ROBO2: variants seen among roughly 807,000 people sequenced by gnomAD.
ROBO2 encodes roundabout homolog 2.
In ROBO2, 53 loss-of-function variants were observed where a neutral mutation model predicts 160.8. The ratio of observed to expected loss-of-function variants is 0.33; its 90% CI spans 0.26 to 0.41. ROBO2 has a LOEUF of 0.41. Ranked by LOEUF, ROBO2 falls within the 10% of genes least tolerant of loss-of-function variation. The pLI is 1.00. For synonymous variants in ROBO2, 664 were observed against 611.7 expected (o/e 1.09, Z -1.26); for missense variants, 1,577 against 1,722.4 (o/e 0.92, Z 1.49).
intron 2 of ROBO2, among the ~76,000 whole-genome samples, chr3:77,365,001 A>G (rs9879708): frequency 6.6e-6 from 1 of 151,576 alleles, no homozygotes; most frequent in Non-Finnish European, 1.5e-5. Context: ...AAAAATTAGC[A>G]AGGCATGGTG....
chr3:77,151,676 C>T (rs2077557831), intron 2 of ROBO2, among the ~76,000 whole-genome samples: 1 of 152,098 alleles, frequency 6.6e-6, no homozygotes, highest in South Asian at 2.1e-4. Context: ...TACCAAGTGC[C>T]CAACACATTT....
intron 1 of ROBO2, among the ~76,000 whole-genome samples, chr3:77,081,077 T>C (rs959204175): frequency 6.6e-5 from 10 of 152,178 alleles, no homozygotes; most frequent in African/African-American, 2.4e-4. Context: ...GTTGTGTGTT[T>C]GACATCTATG....
intron 2 of ROBO2, among the ~76,000 whole-genome samples, chr3:77,170,300 T>C (rs1313204135): frequency 6.6e-6 from 1 of 152,186 alleles, no homozygotes; most frequent in Non-Finnish European, 1.5e-5. Context: ...ACTAAGAATA[T>C]AATACAAAAT....
rs546324993 is a variant in ROBO2 at position 77,336,725 on chromosome 3, C to T, written c.389-140689C>T. ...GCAAAGACAGGCAAAATCTCTGGTT[C>T]CCTGCCTAAGCCTGGTGTACCACAC... On this transcript the variant is annotated intron_variant, in intron 2 of 25. Transcript: ENST00000461745. 2.3e-4 allele frequency among the ~76,000 whole-genome samples: 35 copies of T among 152,300 alleles called. No homozygotes were observed. The South Asian group carries it at 3.7e-3, about 16-fold the overall frequency.
chr3:77,467,097 G>A (rs1582193225), intron 2 of ROBO2, among the ~76,000 whole-genome samples: 1 of 152,118 alleles, frequency 6.6e-6, no homozygotes, highest in Non-Finnish European at 1.5e-5. Flanking sequence ...TTGGGATCCA[G>A]AATAATGCAG....
At chr3:76,054,813 C>T (rs964581735) in intron 2 of ROBO2, among the ~76,000 whole-genome samples, 1 of 152,148 alleles carries the variant, frequency 6.6e-6, no homozygotes, top group Non-Finnish European at 1.5e-5. Context: ...TCTAGCTGTC[C>T]TCTTGGTATG....
At chr3:77,298,197 C>T (rs890606258) in intron 2 of ROBO2, among the ~76,000 whole-genome samples, 8 of 152,082 alleles carry the variant, frequency 5.3e-5, no homozygotes, top group Admixed American at 1.3e-4. Flanking sequence ...AATATTCACA[C>T]GAAGTCTGAA....
chr3:77,222,287 C>A (rs2085922630), intron 2 of ROBO2, among the ~76,000 whole-genome samples: 1 of 152,124 alleles, frequency 6.6e-6, no homozygotes, highest in Non-Finnish European at 1.5e-5. Context: ...ACTACATTGT[C>A]AATATGAATA....
intron 1 of ROBO2, among the ~76,000 whole-genome samples, chr3:77,074,942 T>G (rs1051586605): frequency 2.6e-5 from 4 of 152,202 alleles, no homozygotes; most frequent in Non-Finnish European, 4.4e-5. Flanking sequence ...GATGGCAGGC[T>G]TCATATTTTA....
chr3:76,421,735 AAG>A lies in ROBO2; in HGVS notation c.109+484135_109+484136del, dbSNP rs397825274. 5.1e-4 allele frequency among the ~76,000 whole-genome samples: 77 copies of A among 151,824 alleles called. No homozygotes were observed. The Middle Eastern group carries it at 0.02, about 40-fold the overall frequency. ...GAGCGAAACTCCATCTAAAAAAAAA[AAG>A]AAGATGGCAATTTGTCCATACAACA... On this transcript the variant is annotated intron_variant, in intron 2 of 26. Coordinates refer to the ROBO2 transcript ENST00000487694.
intron 2 of ROBO2, among the ~76,000 whole-genome samples, chr3:77,437,466 A>T (rs1251195998): frequency 1.3e-5 from 2 of 151,996 alleles, no homozygotes; most frequent in Admixed American, 6.6e-5. Context: ...AGTGATTATT[A>T]TTACATTATA....
At chr3:77,210,237 G>A (rs1580003099) in intron 2 of ROBO2, among the ~76,000 whole-genome samples, 1 of 151,782 alleles carries the variant, frequency 6.6e-6, no homozygotes, top group Non-Finnish European at 1.5e-5. Flanking sequence ...GCAGAAAATG[G>A]CCTAAAAATT....
intron 4 of ROBO2, among the ~76,000 whole-genome samples, chr3:77,486,598 C>T (rs1384890432): frequency 6.6e-6 from 1 of 152,102 alleles, no homozygotes. Flanking sequence ...TCTTTGCCCA[C>T]TTTTTAATGG....
At chr3:75,936,995 A>G (rs1284609016) in intron 1 of ROBO2, among the ~76,000 whole-genome samples, 3 of 152,108 alleles carry the variant, frequency 2.0e-5, no homozygotes, top group African/African-American at 7.2e-5. Flanking sequence ...AATTACTGAC[A>G]TAATTAGAAT....
At chr3:77,534,309 A>C (rs1346779590) in intron 6 of ROBO2, among the ~76,000 whole-genome samples, 5 of 152,094 alleles carry the variant, frequency 3.3e-5, no homozygotes, top group African/African-American at 1.2e-4. Context: ...AATAAGAATA[A>C]AATAAATATT....
At chr3:77,011,082 T>TTTCTTTCTTTCTTTCTTTCTTTCC (rs2061883307) in intron 2 of ROBO2, among the ~76,000 whole-genome samples, 1 of 144,532 alleles carries the variant, frequency 6.9e-6, no homozygotes, top group Non-Finnish European at 1.5e-5. Flanking sequence ...TCTTTCTTTC[T>TTTCTTTCTTTCTTTCTTTCTTTCC]TTCTTTTTCT....
At chr3:76,288,443 C>T (rs932497123) in intron 2 of ROBO2, among the ~76,000 whole-genome samples, 9 of 151,740 alleles carry the variant, frequency 5.9e-5, no homozygotes, top group African/African-American at 2.2e-4. Flanking sequence ...AATGAAGGCC[C>T]TTCCCCATTA....
At chr3:76,433,735 A>C (rs1275925256) in intron 2 of ROBO2, among the ~76,000 whole-genome samples, 1 of 152,234 alleles carries the variant, frequency 6.6e-6, no homozygotes, top group East Asian at 1.9e-4. Context: ...GAGAACACGC[A>C]TAATAGCCAA....
At position 77,402,722 on chromosome 3, in the gene ROBO2, C is replaced by A. The variant is rs548682812; in HGVS notation, c.389-74692C>A. Among the ~76,000 whole-genome samples, 41 of 152,132 alleles carry A rather than the reference C, an allele frequency of 2.7e-4. 1 individual carries two copies. In the South Asian group the frequency reaches 8.1e-3, roughly 30 times the overall value. On this transcript the variant is annotated intron_variant, in intron 2 of 25. Coordinates refer to ENST00000461745, the Ensembl canonical transcript of ROBO2. Reference sequence around the variant, plus strand: ...CGCTCCCCTCCCAAGTGCTAGCAGGCCACTGTGCATGAGGGCAGCCCACCA... The same window carrying A: ...CGCTCCCCTCCCAAGTGCTAGCAGGACACTGTGCATGAGGGCAGCCCACCA...
Sources: allele counts gnomAD v4.1 joint callset (sites outside exome capture counted in the v4.1 genomes callset), GRCh38; gene constraint gnomAD v4.1.1; transcripts MANE v1.5; gene names NCBI Gene and HGNC (gene_info 2026-07-23, HGNC 2026-07-21).